Variants in TACR1 observed in about 807,000 individuals in gnomAD.
The protein encoded by TACR1 is substance-P receptor.
In TACR1, 25 loss-of-function variants were observed where a neutral mutation model predicts 35.8. The ratio of observed to expected loss-of-function variants is 0.70; its 90% confidence interval spans 0.51 to 0.98. TACR1 has a LOEUF of 0.98. TACR1 is among the 50% of genes least tolerant of loss of function. The pLI is 0.00. For missense variants in TACR1, 478 were observed against 522.9 expected, an observed-to-expected ratio of 0.91 and a Z score of 0.84; for synonymous variants, 195 against 206.7, an observed-to-expected ratio of 0.94 and a Z score of 0.48.
intron 1 of TACR1, among the ~76,000 whole-genome samples, chr2:75,170,491 G>A (rs1049113221): frequency 6.6e-6 from 1 of 152,166 alleles, no homozygotes; most frequent in South Asian, 2.1e-4. Context: ...GTGGGGTGCT[G>A]CTGTAAAGAT....
In TACR1 at chr2:75,174,977, C is replaced by T. The variant is rs149333012; in HGVS notation, c.389+23569G>A. Among the ~76,000 whole-genome samples the T allele has an allele frequency of 6.7e-3, 1,017 of 152,278 alleles. 13 individuals carry two copies. Among genetic ancestry groups the T allele is most frequent in the African/African-American group, 0.024 (977 of 41,524 alleles). On this transcript the variant is annotated intron_variant, in intron 1 of 4. Transcript: ENST00000305249. ...GGAGTCTTTATAGATTGATCAGAATCCCAATAGTTTATTGATTTTTACTCT... is the reference window on the plus strand; with the variant it reads ...GGAGTCTTTATAGATTGATCAGAATTCCAATAGTTTATTGATTTTTACTCT...
chr2:75,094,868 T>TC (rs1558551256), intron 2 of TACR1, among the ~76,000 whole-genome samples: 9 of 147,292 alleles, frequency 6.1e-5, no homozygotes, highest in African/African-American at 2.4e-4. Context: ...TATTTTTTTT[T>TC]TTTTTGCCCA....
At chr2:75,062,550 T>G (rs1467662633) in intron 2 of TACR1, among the ~76,000 whole-genome samples, 1 of 152,222 alleles carries the variant, frequency 6.6e-6, no homozygotes, top group Non-Finnish European at 1.5e-5. Context: ...TTAGCTAGTC[T>G]TCTATTTCTT....
intron 2 of TACR1, among the ~76,000 whole-genome samples, chr2:75,098,305 T>G (rs1673464976): frequency 6.6e-6 from 1 of 152,190 alleles, no homozygotes; most frequent in Admixed American, 6.5e-5. Flanking sequence ...AAACATAACA[T>G]GAGCATTTTC....
intron 1 of TACR1, among the ~76,000 whole-genome samples, chr2:75,169,627 A>C (rs1675228471): frequency 6.6e-6 from 1 of 152,218 alleles, no homozygotes; most frequent in Non-Finnish European, 1.5e-5. Flanking sequence ...ATTTTACCAT[A>C]AAGTGAAAGG....
intron 1 of TACR1, among the ~76,000 whole-genome samples, chr2:75,141,928 T>G (rs1393404408): frequency 6.6e-6 from 1 of 152,224 alleles, no homozygotes; most frequent in East Asian, 1.9e-4. Flanking sequence ...TTCTCTCAAC[T>G]GTTCTACAGT....
chr2:75,063,645 C>T (rs2103801540), intron 2 of TACR1, among the ~76,000 whole-genome samples: 1 of 152,318 alleles, frequency 6.6e-6, no homozygotes, highest in South Asian at 2.1e-4. Flanking sequence ...CTGTTTCCTT[C>T]ATCTATCCCT....
At chr2:75,142,864 C>G (rs1674437172) in intron 1 of TACR1, among the ~76,000 whole-genome samples, 1 of 152,122 alleles carries the variant, frequency 6.6e-6, no homozygotes. Flanking sequence ...TCTTCCAGAG[C>G]CATTATCTAT....
At chr2:75,097,378 GT>G (rs11428453) in intron 2 of TACR1, among the ~76,000 whole-genome samples, 14 of 148,618 alleles carry the variant, frequency 9.4e-5, no homozygotes, top group East Asian at 5.9e-4. Context: ...TTCTTCATTA[GT>G]TTTTTTTTTT....
chr2:75,192,665 G>A (rs190186848), intron 1 of TACR1, among the ~76,000 whole-genome samples: 222 of 152,252 alleles, frequency 1.5e-3, no homozygotes, highest in African/African-American at 4.9e-3. Flanking sequence ...GGAGCATGTA[G>A]GCAGATGTCT....
chr2:75,103,398 A>C (rs1279269069), intron 2 of TACR1, among the ~76,000 whole-genome samples: 1 of 152,178 alleles, frequency 6.6e-6, no homozygotes, highest in African/African-American at 2.4e-5. Flanking sequence ...AGTATGGAAT[A>C]TGTCATAATG....
At chr2:75,068,961 C>T (rs562380310) in intron 2 of TACR1, among the ~76,000 whole-genome samples, 2 of 152,334 alleles carry the variant, frequency 1.3e-5, no homozygotes, top group Admixed American at 1.3e-4. Context: ...ACCCAAATCT[C>T]ATTTTGAATT....
chr2:75,172,214 G>C (rs1675303229), intron 1 of TACR1, among the ~76,000 whole-genome samples: 1 of 152,118 alleles, frequency 6.6e-6, no homozygotes, highest in African/African-American at 2.4e-5. Flanking sequence ...AACTGGGTTT[G>C]ACAAACAGGG....
At chr2:75,061,923 C>G (rs1289161226) in intron 2 of TACR1, among the ~76,000 whole-genome samples, 1 of 152,166 alleles carries the variant, frequency 6.6e-6, no homozygotes, top group African/African-American at 2.4e-5. Flanking sequence ...TGTTGTTCTC[C>G]AGGTTACTTT....
rs148277615 is a variant in TACR1 at position 75,049,543 on chromosome 2, G to A, written c.1113C>T (p.Asp371=). 1,645 of 1,614,156 alleles carry A rather than the reference G, an allele frequency of 1.0e-3. 5 individuals carry two copies. The highest frequency in any genetic ancestry group is 1.7e-4 in the Non-Finnish European group (196 of 1,179,994). The change falls in exon 5 of 5, where the codon GAC becomes GAT. Residue 371 remains aspartate, a synonymous_variant. Coordinates refer to ENST00000305249, the MANE Select transcript of TACR1 (RefSeq NM_001058.4). ...VVGAHEEEPE[D]GPKATPSSLD... is the part of the protein sequence containing the mutation. The stretch of plus-strand genomic sequence containing the variant: ...GGGACGAGGGTGTGGCCTTGGGGCC[G>A]TCCTCTGGCTCCTCCTCGTGGGCCC...
chr2:75,081,497 T>A (rs1673085187), intron 2 of TACR1, among the ~76,000 whole-genome samples: 1 of 152,194 alleles, frequency 6.6e-6, no homozygotes, highest in Non-Finnish European at 1.5e-5. Context: ...GGGTGGACCA[T>A]CCTGCTCTTT....
intron 2 of TACR1, among the ~76,000 whole-genome samples, chr2:75,056,660 C>G (rs1259670597): frequency 6.6e-6 from 1 of 152,208 alleles, no homozygotes. Context: ...ACAATCTGCT[C>G]TTTCCCTTTG....
intron 1 of TACR1, among the ~76,000 whole-genome samples, chr2:75,158,082 A>G (rs925237718): frequency 2.6e-5 from 4 of 152,230 alleles, no homozygotes; most frequent in Non-Finnish European, 4.4e-5. Flanking sequence ...TGCATCAAAG[A>G]TCATAGAGAT....
intron 1 of TACR1, among the ~76,000 whole-genome samples, chr2:75,146,625 G>T (rs1445658250): frequency 6.6e-6 from 1 of 152,138 alleles, no homozygotes; most frequent in African/African-American, 2.4e-5. Context: ...GAGGATTATT[G>T]CGTTACTTGT....
Sources: allele counts gnomAD v4.1 joint callset (sites outside exome capture counted in the v4.1 genomes callset), GRCh38; gene constraint gnomAD v4.1.1; transcripts MANE v1.5; gene names NCBI Gene and HGNC (gene_info 2026-07-23, HGNC 2026-07-21).